Variants in TNIK observed in about 807,000 individuals in gnomAD.
TNIK encodes TRAF2 and NCK-interacting protein kinase.
TNIK carries 49 observed loss-of-function variants against 191.3 expected under a neutral mutation model. That is an observed-to-expected ratio of 0.26 (90% CI 0.20 to 0.32). TNIK has a LOEUF of 0.32. Ranked by LOEUF, TNIK falls within the 10% of genes least tolerant of loss-of-function variation. TNIK has a pLI of 1.00. For missense variants in TNIK, 1,155 were observed against 1,702.3 expected (o/e 0.68, Z 5.66); for synonymous variants, 594 against 600.9 (o/e 0.99, Z 0.17).
At chr3:171,406,162 GA>G (rs34953852) in intron 1 of TNIK, among the ~76,000 whole-genome samples, 89,539 of 150,616 alleles carry the variant, frequency 0.59, 27,687 homozygotes, top group African/African-American at 0.72. Context: ...AGCTAGAAGT[GA>G]AAAAAAAAAC....
At chr3:171,134,508 C>A (rs1413409362) in intron 15 of TNIK, among the ~76,000 whole-genome samples, 9 of 152,178 alleles carry the variant, frequency 5.9e-5, no homozygotes, top group Admixed American at 5.9e-4. Flanking sequence ...TCTCTAACTA[C>A]TCCTGGGTTC....
chr3:171,302,817 T>C (rs964223533), intron 2 of TNIK, among the ~76,000 whole-genome samples: 3 of 152,196 alleles, frequency 2.0e-5, no homozygotes, highest in Non-Finnish European at 4.4e-5. Context: ...TATAAAGCCC[T>C]TTGCACCTGC....
At chr3:171,435,048 G>A (rs1181302875) in intron 1 of TNIK, among the ~76,000 whole-genome samples, 1 of 152,170 alleles carries the variant, frequency 6.6e-6, no homozygotes, top group Non-Finnish European at 1.5e-5. Flanking sequence ...AATAATGTAG[G>A]GACCTGATAC....
chr3:171,155,713 C>T (rs1297015657), intron 12 of TNIK, among the ~76,000 whole-genome samples: 1 of 152,196 alleles, frequency 6.6e-6, no homozygotes, highest in Non-Finnish European at 1.5e-5. Flanking sequence ...AGGTCAAAGG[C>T]GAGCATCTGT....
chr3:171,322,560 A>C (rs1203898434), intron 2 of TNIK, among the ~76,000 whole-genome samples: 1 of 152,134 alleles, frequency 6.6e-6, no homozygotes, highest in Non-Finnish European at 1.5e-5. Flanking sequence ...ATTTTCTACA[A>C]TTTCCTTTGA....
intron 2 of TNIK, among the ~76,000 whole-genome samples, chr3:171,296,274 GC>G (rs1317224109): frequency 6.6e-6 from 1 of 152,078 alleles, no homozygotes; most frequent in Non-Finnish European, 1.5e-5. Flanking sequence ...GAGAGAGGCA[GC>G]CAAGGCAAAT....
chr3:171,288,143 G>A lies in TNIK; in HGVS notation c.124-59922C>T, dbSNP rs1292511384. ...TGAGATCACATGGACACAGGAAGGGGAATATCACACTCTGGGGACTGTGGT... is the reference window on the plus strand; with the variant it reads ...TGAGATCACATGGACACAGGAAGGGAAATATCACACTCTGGGGACTGTGGT... On this transcript the variant is annotated intron_variant, in intron 2 of 32. Transcript: ENST00000436636. Among the ~76,000 whole-genome samples, 242 of 124,402 alleles carry A rather than the reference G, an allele frequency of 1.9e-3. 1 individual carries two copies. The highest frequency in any genetic ancestry group is 6.9e-3 in the African/African-American group (223 of 32,292). The allele number at this position is 124,402 out of a possible 152,430, so 81.6% of individuals were successfully genotyped here.
At chr3:171,265,365 T>C (rs2109153914) in intron 2 of TNIK, among the ~76,000 whole-genome samples, 1 of 152,306 alleles carries the variant, frequency 6.6e-6, no homozygotes, top group African/African-American at 2.4e-5. Flanking sequence ...TAAAGATGTG[T>C]GGATGCTCAT....
At position 171,107,182 on chromosome 3, in the gene TNIK, C is replaced by A; in HGVS notation, c.2406+1G>T. The A allele has an allele frequency of 1.2e-6, 2 of 1,612,218 alleles. No individual in the cohort carries two copies. The highest frequency in any genetic ancestry group is 1.7e-6 in the Non-Finnish European group (2 of 1,179,320). On this transcript the variant is annotated splice_donor_variant, in intron 21 of 32. Transcript: ENST00000436636. LOFTEE classifies it high-confidence loss of function. Reference sequence around the variant, plus strand: ...CATGACCAAGAAAAGGTAATACTAACCTCATCTATAGCTTTTTTGTAGCTC... The same window carrying A: ...CATGACCAAGAAAAGGTAATACTAAACTCATCTATAGCTTTTTTGTAGCTC...
intron 22 of TNIK, among the ~76,000 whole-genome samples, chr3:171,095,471 T>C (rs1407374760): frequency 6.6e-6 from 1 of 152,198 alleles, no homozygotes; most frequent in Non-Finnish European, 1.5e-5. Context: ...TTTCTAAAAA[T>C]AGGAAAGTTA....
chr3:171,452,041 T>C (rs1384102621), intron 1 of TNIK, among the ~76,000 whole-genome samples: 2 of 152,212 alleles, frequency 1.3e-5, no homozygotes, highest in Non-Finnish European at 2.9e-5. Flanking sequence ...CTAATTTCAC[T>C]AACTAGAGAG....
chr3:171,228,353 A>C (rs1422265489), intron 2 of TNIK, 132 bp from the exon 3 acceptor site: 1 of 802,932 alleles, frequency 1.2e-6, no homozygotes, highest in Non-Finnish European at 2.0e-6. Context: ...AGACAGACAC[A>C]CACAGAAACA....
At chr3:171,134,602 T>A (rs1729719303) in intron 15 of TNIK, among the ~76,000 whole-genome samples, 1 of 152,210 alleles carries the variant, frequency 6.6e-6, no homozygotes, top group Non-Finnish European at 1.5e-5. Flanking sequence ...GTCTTTTTAA[T>A]GCAGAGACAT....
intron 2 of TNIK, among the ~76,000 whole-genome samples, chr3:171,282,531 A>G (rs1750583693): frequency 6.6e-6 from 1 of 151,760 alleles, no homozygotes; most frequent in Non-Finnish European, 1.5e-5. Context: ...TTTAGTAAAG[A>G]CGGGGTTTCG....
intron 2 of TNIK, among the ~76,000 whole-genome samples, chr3:171,306,327 T>C (rs1453909173): frequency 6.6e-6 from 1 of 152,148 alleles, no homozygotes; most frequent in Non-Finnish European, 1.5e-5. Context: ...TGAGTTTACC[T>C]ATGTAACAAA....
rs368122397 is a variant in TNIK, at chr3:171,190,794, T to C, written c.418-7A>G. On this transcript the variant is annotated splice_region_variant and splice_polypyrimidine_tract_variant and intron_variant, in intron 5 of 32. Coordinates refer to ENST00000436636, the MANE Select transcript of TNIK (RefSeq NM_015028.4). ...GGTGCAGGTGACTCAGCCCCTGGAG[T>C]GATGGAGAGTTAAGAAGGGTTAATA... 1.8e-5 allele frequency: 28 copies of C among 1,579,136 alleles called. No individual in the cohort carries two copies. The highest frequency in any genetic ancestry group is 2.2e-5 in the Non-Finnish European group (26 of 1,160,322).
At chr3:171,387,159 T>G (rs567922419) in intron 1 of TNIK, among the ~76,000 whole-genome samples, 1 of 152,274 alleles carries the variant, frequency 6.6e-6, no homozygotes, top group East Asian at 1.9e-4. Context: ...GCAGCTTCAA[T>G]TTAGAAGAAT....
At chr3:171,418,853 G>A (rs1330750254) in intron 1 of TNIK, among the ~76,000 whole-genome samples, 1 of 152,088 alleles carries the variant, frequency 6.6e-6, no homozygotes, top group Admixed American at 6.6e-5. Context: ...CCACAGACTG[G>A]GTGGCTTAAA....
At chr3:171,310,895 T>C (rs1018263223) in intron 2 of TNIK, among the ~76,000 whole-genome samples, 1 of 152,196 alleles carries the variant, frequency 6.6e-6, no homozygotes, top group African/African-American at 2.4e-5. Flanking sequence ...ATTTACTTTT[T>C]AATTTTCTTT....
Sources: allele counts gnomAD v4.1 joint callset (sites outside exome capture counted in the v4.1 genomes callset), GRCh38; gene constraint gnomAD v4.1.1; transcripts MANE v1.5; gene names NCBI Gene and HGNC (gene_info 2026-07-23, HGNC 2026-07-21).